Variants in BCAR3 observed in about 807,000 individuals in gnomAD.
The protein encoded by BCAR3 is BCAR3 adaptor protein, NSP family member.
In BCAR3, 37 loss-of-function variants were observed where a neutral mutation model predicts 80.1. That is an observed-to-expected ratio of 0.46 (90% confidence interval 0.36 to 0.61). The LOEUF is 0.61. BCAR3 is among the 20% of genes least tolerant of loss of function. The probability of loss-of-function intolerance (pLI) is 0.00; values close to 1 mark genes in which losing one functional copy is unlikely to be tolerated. For missense variants in BCAR3, 978 were observed against 1,068.2 expected (o/e 0.92, Z 1.18); for synonymous variants, 389 against 418.9 (o/e 0.93, Z 0.87).
intron 5 of BCAR3, among the ~76,000 whole-genome samples, chr1:93,587,862 T>A (rs1162997163): frequency 6.6e-6 from 1 of 152,092 alleles, no homozygotes; most frequent in Non-Finnish European, 1.5e-5. Flanking sequence ...TGCTTTTAGA[T>A]AATATGCACA....
intron 2 of BCAR3, among the ~76,000 whole-genome samples, chr1:93,732,688 G>A (rs57446734): frequency 8.5e-5 from 13 of 152,110 alleles, no homozygotes; most frequent in Non-Finnish European, 1.5e-4. Flanking sequence ...TGAGAAAAAC[G>A]ACTTCAGCAG....
chr1:93,612,203 T>C (rs559717884), intron 3 of BCAR3, among the ~76,000 whole-genome samples: 1 of 152,050 alleles, frequency 6.6e-6, no homozygotes, highest in South Asian at 2.1e-4. Flanking sequence ...AAACCCTAAG[T>C]TGGGACCGAG....
At chr1:93,696,483 C>A (rs2101968369) in intron 3 of BCAR3, among the ~76,000 whole-genome samples, 1 of 152,266 alleles carries the variant, frequency 6.6e-6, no homozygotes, top group East Asian at 1.9e-4. Context: ...GCCCTCCTCT[C>A]CTTCCCCCAC....
chr1:93,566,965 T>C (rs1347830652), intron 11 of BCAR3, among the ~76,000 whole-genome samples: 1 of 152,178 alleles, frequency 6.6e-6, no homozygotes, highest in Non-Finnish European at 1.5e-5. Flanking sequence ...TGACTTCAAG[T>C]GATCTACCTG....
In BCAR3 at chr1:93,641,633, T is replaced by C. The variant is rs544806408; in HGVS notation, c.357+671A>G. On this transcript the variant is annotated intron_variant, in intron 3 of 11. Transcript: ENST00000260502. ...AAATACATTATTTAGAAGGGTTGAA[T>C]ACTTAGAAGCATTGACCGCCAGTCC... is the stretch of plus-strand genomic sequence containing the variant. Among the ~76,000 whole-genome samples the C allele has an allele frequency of 2.1e-3, 318 of 152,364 alleles. 2 individuals are homozygous for C. Among genetic ancestry groups the C allele is most frequent in the South Asian group, 5.4e-3 (26 of 4,828 alleles).
In BCAR3 at chr1:93,592,169, C is replaced by T. The variant is rs1255800143; in HGVS notation, c.486+96G>A. 50 of 1,532,456 alleles carry T rather than the reference C, an allele frequency of 3.3e-5. No homozygotes were observed. In the South Asian group the frequency reaches 4.3e-4, roughly 13 times the overall value. 94.9% of individuals were successfully genotyped at this position (1,532,456 alleles called of 1,614,324 possible). A position where few individuals can be genotyped will look rare whatever the true frequency, so the allele number is the denominator to read the frequency against. On this transcript the variant is annotated intron_variant, in intron 4 of 11. Transcript: ENST00000260502. This position sits in a 1 kb window ranked among gnomAD's most constrained non-coding sequence, Gnocchi z 4.8. ...TTGTTTTTGGTTACACAGGTGCTTC[C>T]GCCCATGTGGCCTCGGAGTGGGACC... is the stretch of plus-strand genomic sequence containing the variant.
chr1:93,838,495 C>T (rs1654846252), intron 2 of BCAR3, among the ~76,000 whole-genome samples: 1 of 152,176 alleles, frequency 6.6e-6, no homozygotes, highest in Non-Finnish European at 1.5e-5. Context: ...TGACCTCCAA[C>T]ACTGCCACAC....
At chr1:93,847,713 A>ATT (rs147168747), upstream of BCAR3, 2,249 of 144,468 alleles carry the variant, frequency 0.016, 31 homozygotes, top group Non-Finnish European at 0.024. Context: ...CATGTCTCTT[A>ATT]TTTTTTTTTT....
At chr1:93,722,566 G>A (rs548155964) in intron 2 of BCAR3, among the ~76,000 whole-genome samples, 2 of 152,244 alleles carry the variant, frequency 1.3e-5, no homozygotes, top group East Asian at 3.9e-4. Context: ...GGGAGCCATT[G>A]TCTGAACAAC....
intron 8 of BCAR3, among the ~76,000 whole-genome samples, chr1:93,574,155 C>T (rs17110101): frequency 0.17 from 24,968 of 144,940 alleles, 2,250 homozygotes; most frequent in Non-Finnish European, 0.2. Flanking sequence ...TGCCTGAAAC[C>T]TCCTGGATAC....
At chr1:93,618,400 T>A (rs1415848649) in intron 3 of BCAR3, among the ~76,000 whole-genome samples, 1 of 152,266 alleles carries the variant, frequency 6.6e-6, no homozygotes, top group Non-Finnish European at 1.5e-5. Flanking sequence ...GCAATATTGA[T>A]CTGCCTAGCA....
At chr1:93,604,077 A>C (rs1674703667) in intron 3 of BCAR3, among the ~76,000 whole-genome samples, 1 of 152,234 alleles carries the variant, frequency 6.6e-6, no homozygotes, top group African/African-American at 2.4e-5. Flanking sequence ...ATGGGTTTTG[A>C]TGCCATTTTT....
In BCAR3 at chr1:93,562,180, T is replaced by C. The variant is rs1373169945; in HGVS notation, c.*61A>G. Reference sequence around the variant, plus strand: ...TATTACTTTATCAAAAACAGTAAGCTTTCCCAAAGATGAAGCTGGGGAAAC... The same window carrying C: ...TATTACTTTATCAAAAACAGTAAGCCTTCCCAAAGATGAAGCTGGGGAAAC... On this transcript the variant is annotated 3_prime_UTR_variant, in exon 12 of 12. Transcript: ENST00000260502. 4 of 1,523,212 alleles carry C rather than the reference T, an allele frequency of 2.6e-6. No homozygotes were observed. Among genetic ancestry groups the C allele is most frequent in the Non-Finnish European group, 3.6e-6 (4 of 1,122,342 alleles). The allele number at this position is 1,523,212 out of a possible 1,614,324, so 94.4% of individuals were successfully genotyped here.
At chr1:93,624,197 G>A (rs1038988267) in intron 3 of BCAR3, among the ~76,000 whole-genome samples, 1 of 152,156 alleles carries the variant, frequency 6.6e-6, no homozygotes, top group Non-Finnish European at 1.5e-5. Context: ...ACCATCCTCA[G>A]CTCCTGGAGG....
chr1:93,726,352 C>T lies in BCAR3; in HGVS notation c.-62-20210G>A, dbSNP rs4847252. ...CCTTCCAAAGTGTCAAGATTACAGG[C>T]ATGAGCCACCGTGCCTGGCCTATTA... On this transcript the variant is annotated intron_variant, in intron 2 of 13. Transcript: ENST00000370244. Among the ~76,000 whole-genome samples the T allele has an allele frequency of 9.5e-3, 1,442 of 152,274 alleles. 57 individuals carry two copies. The highest frequency in any genetic ancestry group is 0.059 in the East Asian group (305 of 5,176).
At chr1:93,816,056 A>T (rs1654005340) in intron 2 of BCAR3, among the ~76,000 whole-genome samples, 1 of 152,202 alleles carries the variant, frequency 6.6e-6, no homozygotes, top group African/African-American at 2.4e-5. Context: ...GGCTATCCAG[A>T]TATGCAAAAG....
intron 7 of BCAR3, among the ~76,000 whole-genome samples, chr1:93,580,608 GCATATA>G (rs1450754761): frequency 6.6e-6 from 1 of 151,858 alleles, no homozygotes; most frequent in Non-Finnish European, 1.5e-5. Flanking sequence ...TATTTACAAA[GCATATA>G]CGTTGTATTA....
chr1:93,664,000 T>C (rs987662090), intron 2 of BCAR3, among the ~76,000 whole-genome samples: 1 of 152,228 alleles, frequency 6.6e-6, no homozygotes, highest in Non-Finnish European at 1.5e-5. Flanking sequence ...GGGAATCCTT[T>C]TTCTTACAGT....
chr1:93,810,592 G>C (rs116790491), intron 2 of BCAR3, among the ~76,000 whole-genome samples: 2,378 of 152,244 alleles, frequency 0.016, 54 homozygotes, highest in African/African-American at 0.055. Flanking sequence ...TGCATGCCAA[G>C]GCCCACTGTC....
Sources: allele counts gnomAD v4.1 joint callset (sites outside exome capture counted in the v4.1 genomes callset), GRCh38; gene constraint gnomAD v4.1.1; non-coding constraint Gnocchi (gnomAD v3.1); transcripts MANE v1.5; gene names NCBI Gene and HGNC (gene_info 2026-07-23, HGNC 2026-07-21).